Variants in UTRN observed in about 807,000 individuals in gnomAD.
UTRN encodes dystrophin-related protein 1.
UTRN carries 283 observed loss-of-function variants against 463.9 expected under a neutral mutation model. The observed-to-expected ratio is 0.61, with a 90% confidence interval of 0.55 to 0.67. The LOEUF is 0.67. UTRN is among the 30% of genes least tolerant of loss of function. The pLI is 0.00. For missense variants in UTRN, 3,922 were observed against 4,084.3 expected (o/e 0.96, Z 1.08); for synonymous variants, 1,442 against 1,431.5 (o/e 1.01, Z -0.17).
At chr6:144,634,902 G>C (rs1776941006) in intron 51 of UTRN, among the ~76,000 whole-genome samples, 1 of 152,066 alleles carries the variant, frequency 6.6e-6, no homozygotes, top group Non-Finnish European at 1.5e-5. Flanking sequence ...GCTACATTTT[G>C]TTTGTCCACT....
intron 71 of UTRN, 49 bp downstream of exon 71, chr6:144,836,590 C>T (rs762088254): frequency 1.9e-5 from 31 of 1,603,458 alleles, no homozygotes; most frequent in Admixed American, 6.7e-5. Flanking sequence ...CATCTGTCCA[C>T]TGCCCTGGGA....
At chr6:144,641,326 A>G (rs925765267) in intron 51 of UTRN, among the ~76,000 whole-genome samples, 17 of 152,288 alleles carry the variant, frequency 1.1e-4, no homozygotes, top group East Asian at 3.9e-4. Flanking sequence ...CTGATTGCCT[A>G]TTGGTTGAAA....
At chr6:144,677,221 A>C (rs1196864309) in intron 51 of UTRN, among the ~76,000 whole-genome samples, 1 of 151,952 alleles carries the variant, frequency 6.6e-6, no homozygotes, top group African/African-American at 2.4e-5. Flanking sequence ...CTAGGTTTTA[A>C]TCCCTGCATA....
Position 144,681,591 on chromosome 6 carries a change from C to A in UTRN, c.7652+3013C>A, listed in dbSNP as rs193131397. Among the ~76,000 whole-genome samples the A allele has an allele frequency of 1.6e-3, 248 of 151,444 alleles. 4 individuals are homozygous for A. In the South Asian group the frequency reaches 0.036, roughly 22 times the overall value. On this transcript the variant is annotated intron_variant, in intron 52 of 74. Transcript: ENST00000367545. ...TTTTTTTTCTGGTTGAGGGAGAAAT[C>A]TGATTGCAGAGGACTAAAGAGACAG... is the stretch of plus-strand genomic sequence containing the variant.
At chr6:144,793,540 T>G (rs1172445575) in intron 62 of UTRN, among the ~76,000 whole-genome samples, 2 of 152,168 alleles carry the variant, frequency 1.3e-5, no homozygotes, top group African/African-American at 4.8e-5. Context: ...AAAAGGAAAT[T>G]TGCATTTATT....
At chr6:144,755,540 T>C (rs768599218) in intron 57 of UTRN, among the ~76,000 whole-genome samples, 2 of 152,174 alleles carry the variant, frequency 1.3e-5, no homozygotes, top group Admixed American at 6.5e-5. Flanking sequence ...AAATACCGTA[T>C]TACCTATTTC....
intron 21 of UTRN, among the ~76,000 whole-genome samples, chr6:144,460,496 T>A (rs1789301797): frequency 6.6e-6 from 1 of 152,246 alleles, no homozygotes; most frequent in African/African-American, 2.4e-5. Context: ...CATGTCTTTG[T>A]TCCTTGAATT....
intron 65 of UTRN, among the ~76,000 whole-genome samples, chr6:144,808,062 C>T (rs999827489): frequency 6.6e-6 from 1 of 152,134 alleles, no homozygotes; most frequent in Non-Finnish European, 1.5e-5. Context: ...AATACACACA[C>T]ACACACGCAG....
intron 23 of UTRN, among the ~76,000 whole-genome samples, chr6:144,468,852 T>C (rs1252117696): frequency 1.3e-5 from 2 of 152,198 alleles, no homozygotes; most frequent in African/African-American, 4.8e-5. Context: ...ACAGGTTGAT[T>C]GTGACAATAT....
chr6:144,819,905 CCTCCTCCTCTCT>C lies in UTRN; in HGVS notation c.9358-973_9358-962del, dbSNP rs1462567887. On this transcript the variant is annotated intron_variant, in intron 65 of 74. Coordinates refer to ENST00000367545, the MANE Select transcript of UTRN (RefSeq NM_007124.3). Reference sequence around the variant, plus strand: ...TCCTCCTCCTCCTCCTCCTCCTCCTCCTCCTCCTCTCTCTCTCTCTCTCTCTCTTTCTGTCTC... The same window carrying C: ...TCCTCCTCCTCCTCCTCCTCCTCCTCCTCTCTCTCTCTCTCTTTCTGTCTC... 3.2e-5 allele frequency among the ~76,000 whole-genome samples: 4 copies of C among 126,348 alleles called. No homozygotes were observed. The East Asian group carries it at 1.1e-3, about 36-fold the overall frequency. 82.9% of individuals were successfully genotyped at this position (126,348 alleles called of 152,430 possible).
At chr6:144,339,995 C>T (rs988028713) in intron 2 of UTRN, among the ~76,000 whole-genome samples, 3 of 152,090 alleles carry the variant, frequency 2.0e-5, no homozygotes, top group Non-Finnish European at 2.9e-5. Context: ...AGGTGAAAGC[C>T]GTCTCTACTA....
intron 53 of UTRN, among the ~76,000 whole-genome samples, chr6:144,710,076 T>C (rs1311867548): frequency 6.6e-6 from 1 of 152,194 alleles, no homozygotes; most frequent in African/African-American, 2.4e-5. Flanking sequence ...TAATTCCTAT[T>C]ACTAAAAGCC....
At chr6:144,667,844 TA>T (rs1780585788) in intron 51 of UTRN, among the ~76,000 whole-genome samples, 1 of 152,224 alleles carries the variant, frequency 6.6e-6, no homozygotes, top group South Asian at 2.1e-4. Flanking sequence ...CTTGAATCAT[TA>T]TCTGGCTCTG....
At chr6:144,850,704 T>C (rs1336361229) in intron 74 of UTRN, among the ~76,000 whole-genome samples, 2 of 152,084 alleles carry the variant, frequency 1.3e-5, no homozygotes, top group Non-Finnish European at 2.9e-5. Context: ...CGCTCACCAT[T>C]GGTACCTTCA....
rs936283851 is a variant in UTRN, at chr6:144,546,307, C to T, written c.6596-2333C>T. Among the ~76,000 whole-genome samples the T allele has an allele frequency of 3.9e-5, 6 of 152,108 alleles. No individual in the cohort carries two copies. The East Asian group carries it at 5.8e-4, about 15-fold the overall frequency. On this transcript the variant is annotated intron_variant, in intron 46 of 74. Coordinates refer to ENST00000367545, the MANE Select transcript of UTRN (RefSeq NM_007124.3). ...GGTTCTTATTGTTCTACAGCATTAC[C>T]AGCACCTCAACACTTTGCTCTCAGG... is the stretch of plus-strand genomic sequence containing the variant.
chr6:144,669,086 C>T (rs1780725240), intron 51 of UTRN, among the ~76,000 whole-genome samples: 1 of 152,108 alleles, frequency 6.6e-6, no homozygotes, highest in Admixed American at 6.6e-5. Flanking sequence ...GCTGTCATGC[C>T]AGAGTTAGCT....
rs1786719144 is a variant in UTRN, at chr6:144,437,763, G to A, written c.1241+17G>A. 2 of 1,599,954 alleles carry A rather than the reference G, an allele frequency of 1.3e-6. No homozygotes were observed. The highest frequency in any genetic ancestry group is 2.7e-5 in the African/African-American group (2 of 74,032). On this transcript the variant is annotated intron_variant, in intron 11 of 74. Transcript: ENST00000367545. ...ACAGTCCCGGTGAGTGGAAAGCCAA[G>A]AAATGCACTTAATTCCACAGGCTGC...
chr6:144,575,211 C>T (rs1344714912), intron 50 of UTRN, among the ~76,000 whole-genome samples: 2 of 151,706 alleles, frequency 1.3e-5, no homozygotes, highest in Non-Finnish European at 2.9e-5. Context: ...AATCTTTTGC[C>T]CATTTTTTAA....
At chr6:144,849,152 A>C (rs1251513462) in intron 74 of UTRN, among the ~76,000 whole-genome samples, 2 of 152,104 alleles carry the variant, frequency 1.3e-5, no homozygotes, top group Non-Finnish European at 2.9e-5. Flanking sequence ...AGGCCACATG[A>C]CCTATAGGAC....
Sources: gnomAD v4.1 joint callset for allele counts (sites outside exome capture counted in the v4.1 genomes callset) on GRCh38, gnomAD v4.1.1 for gene constraint, MANE v1.5 for transcripts, NCBI Gene and HGNC (gene_info 2026-07-23, HGNC 2026-07-21) for gene names.